SYT10: variants seen among roughly 807,000 people sequenced by gnomAD.
SYT10 encodes synaptotagmin-10.
A neutral mutation model predicts 51.1 loss-of-function variants in SYT10; 31 were observed. The ratio of observed to expected loss-of-function variants is 0.61; its 90% CI spans 0.46 to 0.82. SYT10 has a LOEUF of 0.82. Ranked by LOEUF, SYT10 falls within the 40% of genes least tolerant of loss-of-function variation. SYT10 has a pLI of 0.00. For missense variants in SYT10, 603 were observed against 634.0 expected (o/e 0.95, Z 0.53); for synonymous variants, 233 against 225.9 (o/e 1.03, Z -0.28).
chr12:33,403,572 A>G (rs531021888), intron 3 of SYT10, among the ~76,000 whole-genome samples: 1 of 152,208 alleles, frequency 6.6e-6, no homozygotes, highest in South Asian at 2.1e-4. Context: ...TATTTGTTAC[A>G]TAAACTCTTT....
At chr12:33,436,574 G>A (rs188152681) in intron 1 of SYT10, among the ~76,000 whole-genome samples, 316 of 152,236 alleles carry the variant, frequency 2.1e-3, no homozygotes, top group African/African-American at 7.3e-3. Context: ...GATCCTCAAT[G>A]GCAACAATAC....
intron 3 of SYT10, among the ~76,000 whole-genome samples, chr12:33,403,439 T>G (rs1360808077): frequency 6.6e-6 from 1 of 152,052 alleles, no homozygotes; most frequent in Non-Finnish European, 1.5e-5. Flanking sequence ...CTCACCATGT[T>G]AGCCAGGCTG....
At chr12:33,422,159 A>C (rs1420325906) in intron 2 of SYT10, among the ~76,000 whole-genome samples, 4 of 152,176 alleles carry the variant, frequency 2.6e-5, no homozygotes, top group East Asian at 3.8e-4. Flanking sequence ...AGAAAGCAGC[A>C]TAGAACTCTA....
chr12:33,389,532 G>C (rs1187846690), intron 3 of SYT10, among the ~76,000 whole-genome samples: 2 of 151,952 alleles, frequency 1.3e-5, no homozygotes, highest in Non-Finnish European at 2.9e-5. Flanking sequence ...GATGAAAAAA[G>C]ACATAAGAGA....
At position 33,439,692 on chromosome 12, in the gene SYT10, G is replaced by A. The variant is rs780414786; in HGVS notation, c.-170C>T. ...CTTAGGAGCCCCACGTTGGCCCCAT[G>A]GCGGGAGCGGAGGGCGTAGGGGAAG... is the stretch of plus-strand genomic sequence containing the variant. On this transcript the variant is annotated 5_prime_UTR_variant, in exon 1 of 7. Transcript: ENST00000228567. The A allele has an allele frequency of 2.1e-4, 164 of 793,674 alleles. No individual in the cohort carries two copies. Among genetic ancestry groups the A allele is most frequent in the Non-Finnish European group, 2.8e-4 (145 of 522,194 alleles). The allele number at this position is 793,674 out of a possible 1,614,324, so 49.2% of individuals were successfully genotyped here. A position where few individuals can be genotyped will look rare whatever the true frequency, so the allele number is the denominator to read the frequency against.
rs572305464 is a variant in SYT10 at position 33,428,678 on chromosome 12, G to A, written c.152-2183C>T. On this transcript the variant is annotated intron_variant, in intron 1 of 6. Coordinates refer to ENST00000228567, the MANE Select transcript of SYT10 (RefSeq NM_198992.4). ...TCCCAGCACTTTGGGAGGCTGAGAC[G>A]GGCGGATCACGAGGTCAGAAGATCG... Among the ~76,000 whole-genome samples, 6 of 152,130 alleles carry A rather than the reference G, an allele frequency of 3.9e-5. No individual in the cohort carries two copies. The South Asian group carries it at 1.2e-3, about 32-fold the overall frequency.
In SYT10 at chr12:33,379,907, A is replaced by G. The variant is rs1335680968; in HGVS notation, c.1425T>C (p.Gly475=). 6.2e-7 allele frequency: 1 copy of G among 1,613,906 alleles called. No individual in the cohort carries two copies. The highest frequency in any genetic ancestry group is 8.5e-7 in the Non-Finnish European group (1 of 1,179,904). The change falls in exon 6 of 7, where the codon GGT becomes GGC. Residue 475 remains glycine, a synonymous_variant. Coordinates refer to ENST00000228567, the MANE Select transcript of SYT10 (RefSeq NM_198992.4). Reference sequence around the variant, plus strand: ...TTTCATTCCAGTGGTCTCGCCCAAGACCCTCAGCATCCAGTCCTGTTCTGC... The same window carrying G: ...TTTCATTCCAGTGGTCTCGCCCAAGGCCCTCAGCATCCAGTCCTGTTCTGC... ...GVCRTGLDAE[G]LGRDHWNEML... is the part of the protein sequence containing the mutation.
At chr12:33,421,185 G>C (rs1866500550) in intron 2 of SYT10, among the ~76,000 whole-genome samples, 2 of 151,994 alleles carry the variant, frequency 1.3e-5, no homozygotes, top group South Asian at 4.1e-4. Flanking sequence ...TGGATACTAT[G>C]CATGATGATT....
At chr12:33,402,705 G>T (rs1481898511) in intron 3 of SYT10, among the ~76,000 whole-genome samples, 1 of 152,084 alleles carries the variant, frequency 6.6e-6, no homozygotes, top group Non-Finnish European at 1.5e-5. Context: ...AAATTTTAGA[G>T]AATGAACTGT....
intron 3 of SYT10, among the ~76,000 whole-genome samples, chr12:33,386,664 T>C (rs955845869): frequency 2.6e-5 from 4 of 152,130 alleles, no homozygotes; most frequent in Non-Finnish European, 5.9e-5. Flanking sequence ...ACCCTTCACA[T>C]ATTTTTGTAG....
chr12:33,436,045 A>G (rs996393062), intron 1 of SYT10, among the ~76,000 whole-genome samples: 1 of 152,142 alleles, frequency 6.6e-6, no homozygotes, highest in Non-Finnish European at 1.5e-5. Flanking sequence ...GAGCTATACA[A>G]TTGTGATGTG....
At chr12:33,412,042 A>G (rs1349592325) in intron 2 of SYT10, among the ~76,000 whole-genome samples, 1 of 152,134 alleles carries the variant, frequency 6.6e-6, no homozygotes, top group Non-Finnish European at 1.5e-5. Context: ...ACTTTCAGTT[A>G]TGCAACAAGC....
intron 2 of SYT10, among the ~76,000 whole-genome samples, chr12:33,411,592 G>A (rs755957338): frequency 9.2e-5 from 14 of 152,178 alleles, no homozygotes; most frequent in South Asian, 2.1e-4. Flanking sequence ...TTGAAAAACC[G>A]TTACTATATA....
At chr12:33,424,359 A>T (rs1197164295) in intron 2 of SYT10, among the ~76,000 whole-genome samples, 1 of 152,134 alleles carries the variant, frequency 6.6e-6, no homozygotes, top group African/African-American at 2.4e-5. Flanking sequence ...ATTTGTCTTC[A>T]TTGAGTATCC....
At chr12:33,379,585 C>G (rs1236279010) in intron 6 of SYT10, among the ~76,000 whole-genome samples, 1 of 88,438 alleles carries the variant, frequency 1.1e-5, no homozygotes, top group South Asian at 4.0e-4. Context: ...AAAAAAGAGA[C>G]TTGCAAATGG....
chr12:33,383,056 G>A (rs1866129392), intron 4 of SYT10, among the ~76,000 whole-genome samples: 1 of 152,134 alleles, frequency 6.6e-6, no homozygotes, highest in Non-Finnish European at 1.5e-5. Flanking sequence ...ACAGGCCAAA[G>A]GGATCAGATA....
chr12:33,376,961 T>G (rs1866068504), intron 6 of SYT10, 60 bp from the exon 7 acceptor site: 2 of 1,545,232 alleles, frequency 1.3e-6, no homozygotes, highest in Non-Finnish European at 1.8e-6. Flanking sequence ...CAGTGGTTAG[T>G]TGTTGCTCCC....
intron 2 of SYT10, among the ~76,000 whole-genome samples, chr12:33,420,241 T>C (rs1866490685): frequency 6.6e-6 from 1 of 152,226 alleles, no homozygotes; most frequent in African/African-American, 2.4e-5. Context: ...TGGTCTTTAT[T>C]ATGGCAGAGA....
At chr12:33,432,855 C>T (rs1866608107) in intron 1 of SYT10, 1 of 152,018 alleles carries the variant, frequency 6.6e-6, no homozygotes, top group Non-Finnish European at 1.5e-5. Flanking sequence ...AATATCGGTT[C>T]CTTTCTATTC....
Sources: gnomAD v4.1 joint callset for allele counts (sites outside exome capture counted in the v4.1 genomes callset) on GRCh38, gnomAD v4.1.1 for gene constraint, MANE v1.5 for transcripts, NCBI Gene and HGNC (gene_info 2026-07-23, HGNC 2026-07-21) for gene names.